Variants in LIN7A observed in about 807,000 individuals in gnomAD.
The protein encoded by LIN7A is protein lin-7 homolog A.
Under a neutral mutation model 29.8 loss-of-function variants are expected in LIN7A, and 25 were observed. The ratio of observed to expected loss-of-function variants is 0.84; its 90% CI spans 0.61 to 1.17. The LOEUF (loss-of-function observed/expected upper bound fraction) is 1.17. Ranked by LOEUF, LIN7A falls within the 50% of genes most tolerant of loss-of-function variation. The pLI, the probability that LIN7A is intolerant of heterozygous loss-of-function variation, is 0.00. For missense variants in LIN7A, 239 were observed against 287.0 expected (o/e 0.83, Z 1.21); for synonymous variants, 118 against 107.5 (o/e 1.10, Z -0.60).
Position 80,800,489 on chromosome 12 carries a change from C to CAAAA in LIN7A, c.*1-2767_*1-2764dup, listed in dbSNP as rs55772850. 6.1e-3 allele frequency among the ~76,000 whole-genome samples: 234 copies of CAAAA among 38,086 alleles called. 32 individuals are homozygous for CAAAA. The highest frequency in any genetic ancestry group is 0.019 in the African/African-American group (216 of 11,164). 25.0% of individuals were successfully genotyped at this position (38,086 alleles called of 152,430 possible). Reference sequence around the variant, plus strand: ...GGGCAGCAAGAGTGAAACTCCGTCTCAAAAAAAAAAAAAAAAAAAAAAAAA... The same window carrying CAAAA: ...GGGCAGCAAGAGTGAAACTCCGTCTCAAAAAAAAAAAAAAAAAAAAAAAAAAAAA... On this transcript the variant is annotated intron_variant, in intron 5 of 5. Coordinates refer to ENST00000552864, the MANE Select transcript of LIN7A (RefSeq NM_004664.4).
chr12:80,914,321 T>C (rs1312050381), intron 1 of LIN7A, among the ~76,000 whole-genome samples: 1 of 152,220 alleles, frequency 6.6e-6, no homozygotes, highest in Non-Finnish European at 1.5e-5. Context: ...TCAATTTTGT[T>C]TAACCCAGTG....
intron 2 of LIN7A, among the ~76,000 whole-genome samples, chr12:80,862,166 G>C (rs12297604): frequency 0.34 from 52,215 of 151,950 alleles, 10,561 homozygotes; most frequent in African/African-American, 0.57. Flanking sequence ...TATACTAACC[G>C]AACAGAGAGT....
chr12:80,807,292 G>A (rs563150444), intron 5 of LIN7A, among the ~76,000 whole-genome samples: 1 of 151,930 alleles, frequency 6.6e-6, no homozygotes, highest in Non-Finnish European at 1.5e-5. Flanking sequence ...GGATGGTCTC[G>A]ATCTCCTGAC....
rs1252038835 is a variant in LIN7A at position 80,794,704 on chromosome 12, A to ATTTT, written c.*3022_*3023insAAAA. The ATTTT allele has an allele frequency of 2.0e-5, 3 of 152,200 alleles. No individual in the cohort carries two copies. Among genetic ancestry groups the ATTTT allele is most frequent in the Admixed American group, 2.0e-4 (3 of 15,278 alleles). The allele number at this position is 152,200 out of a possible 1,614,324, so 9.4% of individuals were successfully genotyped here. On this transcript the variant is annotated 3_prime_UTR_variant, in exon 6 of 6. Transcript: ENST00000552864. Reference sequence around the variant, plus strand: ...ATTTAGATCTAAGTATTGTCTTAAAAGACTGTGATTGTTCACATAACTGGA... The same window carrying ATTTT: ...ATTTAGATCTAAGTATTGTCTTAAAATTTTGACTGTGATTGTTCACATAACTGGA...
At chr12:80,809,876 G>T (rs1301999313) in intron 5 of LIN7A, among the ~76,000 whole-genome samples, 1 of 152,012 alleles carries the variant, frequency 6.6e-6, no homozygotes, top group African/African-American at 2.4e-5. Flanking sequence ...AACTCTTAAA[G>T]TTTTATTTTT....
intron 1 of LIN7A, among the ~76,000 whole-genome samples, chr12:80,931,413 C>T (rs960580797): frequency 6.6e-5 from 10 of 152,024 alleles, no homozygotes; most frequent in Admixed American, 2.0e-4. Flanking sequence ...GGCTGAGGCA[C>T]GCGCATCACC....
intron 1 of LIN7A, among the ~76,000 whole-genome samples, chr12:80,899,530 A>AT (rs1294821021): frequency 2.0e-5 from 3 of 151,878 alleles, no homozygotes; most frequent in East Asian, 1.9e-4. Context: ...CTCCTTTTCA[A>AT]TTTTTTTGGA....
rs1048556132 is a variant in LIN7A, at chr12:80,797,554, C to T, written c.*173G>A. ...CCACGTGAGCAGTGGCGGTTCAAGC[C>T]CAGAGAAAGAAGGTGTTGAGTTGCC... On this transcript the variant is annotated 3_prime_UTR_variant, in exon 6 of 6. Coordinates refer to ENST00000552864, the MANE Select transcript of LIN7A (RefSeq NM_004664.4). 3.9e-5 allele frequency: 6 copies of T among 152,530 alleles called. No homozygotes were observed. Among genetic ancestry groups the T allele is most frequent in the African/African-American group, 1.4e-4 (6 of 41,420 alleles). The allele number at this position is 152,530 out of a possible 1,614,324, so 9.4% of individuals were successfully genotyped here. A position where few individuals can be genotyped will look rare whatever the true frequency, so the allele number is the denominator to read the frequency against.
intron 2 of LIN7A, among the ~76,000 whole-genome samples, chr12:80,850,218 C>A (rs1027104099): frequency 6.6e-6 from 1 of 152,164 alleles, no homozygotes; most frequent in African/African-American, 2.4e-5. Flanking sequence ...CAAACCGTAG[C>A]TGTACCATTT....
chr12:80,839,169 C>T (rs77440305), intron 4 of LIN7A, among the ~76,000 whole-genome samples: 14,428 of 152,172 alleles, frequency 0.095, 747 homozygotes, highest in East Asian at 0.19. Context: ...GCTAAGAAAA[C>T]TTGATCTTTT....
At chr12:80,828,176 C>T (rs1565892394) in intron 4 of LIN7A, among the ~76,000 whole-genome samples, 1 of 152,232 alleles carries the variant, frequency 6.6e-6, no homozygotes, top group South Asian at 2.1e-4. Flanking sequence ...TTGGCAATAT[C>T]TATTAAAATA....
intron 4 of LIN7A, among the ~76,000 whole-genome samples, chr12:80,827,554 C>T (rs181521896): frequency 7.2e-5 from 11 of 152,204 alleles, no homozygotes; most frequent in Non-Finnish European, 1.5e-4. Flanking sequence ...ATGAAAACAT[C>T]CTGTATCATG....
At chr12:80,856,564 T>A (rs112001750) in intron 2 of LIN7A, among the ~76,000 whole-genome samples, 162 of 152,340 alleles carry the variant, frequency 1.1e-3, no homozygotes, top group Middle Eastern at 3.4e-3. Context: ...CAGTTTTTAG[T>A]CACAAAGGAC....
chr12:80,927,161 T>C (rs200307875), intron 1 of LIN7A, among the ~76,000 whole-genome samples: 19 of 113,004 alleles, frequency 1.7e-4, no homozygotes, highest in Non-Finnish European at 2.0e-4. Context: ...TTTTCTTTTT[T>C]TTTTTTTTTT....
At chr12:80,925,390 G>T (rs1412750354) in intron 1 of LIN7A, among the ~76,000 whole-genome samples, 1 of 152,170 alleles carries the variant, frequency 6.6e-6, no homozygotes, top group African/African-American at 2.4e-5. Context: ...AATAAACTGA[G>T]CCCTTGCCTC....
chr12:80,817,238 C>G (rs1871578795), intron 4 of LIN7A, among the ~76,000 whole-genome samples: 1 of 152,142 alleles, frequency 6.6e-6, no homozygotes, highest in Admixed American at 6.5e-5. Flanking sequence ...TTGAATTGCA[C>G]TACATACATG....
At chr12:80,828,073 G>A (rs952967472) in intron 4 of LIN7A, among the ~76,000 whole-genome samples, 9 of 151,922 alleles carry the variant, frequency 5.9e-5, no homozygotes, top group Non-Finnish European at 1.0e-4. Flanking sequence ...TCATTCACAT[G>A]CTTAAAAAAA....
rs1565900469 is a variant in LIN7A at position 80,848,271 on chromosome 12, G to A, written c.253C>T (p.Arg85Cys). The change falls in exon 3 of 6, where the codon CGT (arginine) becomes TGT (cysteine). Residue 85 changes from arginine to cysteine, a missense_variant. By Grantham distance (180) the Arg-to-Cys change is radical. Coordinates refer to ENST00000552864, the MANE Select transcript of LIN7A (RefSeq NM_004664.4). ...CTTACCTTTGCTGTTGCCCTCGCAC[G>A]GAATTCGGGACAGCCATTAACAGTT... ...TITVNGCPEFRARATAKATVA... is the reference protein window; with the variant it reads ...TITVNGCPEFCARATAKATVA... The A allele has an allele frequency of 3.1e-6, 5 of 1,613,134 alleles. No homozygotes were observed. Among genetic ancestry groups the A allele is most frequent in the Non-Finnish European group, 3.4e-6 (4 of 1,179,304 alleles).
intron 1 of LIN7A, among the ~76,000 whole-genome samples, chr12:80,916,910 C>A (rs962325591): frequency 1.3e-5 from 2 of 152,148 alleles, no homozygotes; most frequent in Non-Finnish European, 2.9e-5. Flanking sequence ...TAAAAACCTA[C>A]AATGTACCAG....
Sources: gnomAD v4.1 joint callset for allele counts (sites outside exome capture counted in the v4.1 genomes callset) on GRCh38, gnomAD v4.1.1 for gene constraint, MANE v1.5 for transcripts, NCBI Gene and HGNC (gene_info 2026-07-23, HGNC 2026-07-21) for gene names.